The following RUBCN variants were observed in gnomAD, a reference collection of about 807,000 sequenced individuals.
The protein encoded by RUBCN is rubicon autophagy regulator.
RUBCN carries 74 observed loss-of-function variants against 113.2 expected under a neutral mutation model. The observed-to-expected ratio is 0.65, with a 90% CI of 0.54 to 0.79. RUBCN has a LOEUF of 0.79. Ranked by LOEUF, RUBCN falls within the 30% of genes least tolerant of loss-of-function variation. The pLI, the probability that RUBCN is intolerant of heterozygous loss-of-function variation, is 0.00. For missense variants in RUBCN, 1,109 were observed against 1,251.7 expected (o/e 0.89, Z 1.72); for synonymous variants, 480 against 490.0 (o/e 0.98, Z 0.27).
At chr3:197,731,688 T>A (rs1352808475) in intron 1 of RUBCN, among the ~76,000 whole-genome samples, 1 of 149,578 alleles carries the variant, frequency 6.7e-6, no homozygotes, top group Non-Finnish European at 1.5e-5. Context: ...CACTTCCCAG[T>A]AGGGGCAGCC....
chr3:197,696,522 G>A (rs1560427695), intron 8 of RUBCN, among the ~76,000 whole-genome samples: 1 of 152,108 alleles, frequency 6.6e-6, no homozygotes, highest in Admixed American at 6.6e-5. Flanking sequence ...GTACCATACA[G>A]TAAAGAAAAA....
Position 197,683,520 on chromosome 3 carries a change from C to T in RUBCN, c.1848-81G>A. On this transcript the variant is annotated intron_variant, in intron 12 of 19. Transcript: ENST00000296343. This position sits in a 1 kb window ranked among gnomAD's most constrained non-coding sequence, Gnocchi z 4.6. Reference sequence around the variant, plus strand: ...GGCTTCCCTTCATGATCTCATCCCCCACGCAGCAACTTCTGGGCTGGAAGA... The same window carrying T: ...GGCTTCCCTTCATGATCTCATCCCCTACGCAGCAACTTCTGGGCTGGAAGA... 1 of 1,525,626 alleles carries T rather than the reference C, an allele frequency of 6.6e-7. No homozygotes were observed. 94.5% of individuals were successfully genotyped at this position (1,525,626 alleles called of 1,614,324 possible). A position where few individuals can be genotyped will look rare whatever the true frequency, so the allele number is the denominator to read the frequency against.
upstream of RUBCN, among the ~76,000 whole-genome samples, chr3:197,739,568 C>A (rs909166409): frequency 6.6e-6 from 1 of 151,550 alleles, no homozygotes; most frequent in Non-Finnish European, 1.5e-5. Context: ...TGGTGGCGGG[C>A]GCCTGTAGTC....
intron 1 of RUBCN, among the ~76,000 whole-genome samples, chr3:197,728,935 A>G (rs568787676): frequency 1.1e-4 from 16 of 152,242 alleles, no homozygotes; most frequent in Non-Finnish European, 2.2e-4. Flanking sequence ...TGAGTGTGCC[A>G]TGGTTTTGTA....
intron 11 of RUBCN, among the ~76,000 whole-genome samples, chr3:197,690,263 C>A (rs979279815): frequency 1.3e-5 from 2 of 152,134 alleles, no homozygotes; most frequent in Non-Finnish European, 1.5e-5. Context: ...CATGGTGAAA[C>A]CCTGTCTTTA....
At chr3:197,718,210 G>C in intron 1 of RUBCN, 80 bp from the exon 2 acceptor site, 1 of 1,522,866 alleles carries the variant, frequency 6.6e-7, no homozygotes, top group Non-Finnish European at 9.1e-7. Flanking sequence ...AGTCTAAGCC[G>C]AGGAGCCTCC....
intron 9 of RUBCN, among the ~76,000 whole-genome samples, chr3:197,695,138 G>A (rs933273045): frequency 1.3e-4 from 19 of 144,294 alleles, no homozygotes; most frequent in African/African-American, 2.6e-4. Context: ...GACCCCAGAC[G>A]CAGCGGCTCA....
At position 197,710,006 on chromosome 3, in the gene RUBCN, C is replaced by T. The variant is rs534512592; in HGVS notation, c.220-4831G>A. ...GCCAATATGTGAAACCCTGTCTCTACTAAAAATACAAAAATTAGCCAGGCG... is the reference window on the plus strand; with the variant it reads ...GCCAATATGTGAAACCCTGTCTCTATTAAAAATACAAAAATTAGCCAGGCG... On this transcript the variant is annotated intron_variant, in intron 2 of 19. Coordinates refer to ENST00000296343, the MANE Select transcript of RUBCN (RefSeq NM_014687.4). Among the ~76,000 whole-genome samples, 16 of 151,732 alleles carry T rather than the reference C, an allele frequency of 1.1e-4. No individual in the cohort carries two copies. The South Asian group carries it at 3.3e-3, about 32-fold the overall frequency.
At chr3:197,727,951 T>C (rs976017419) in intron 1 of RUBCN, among the ~76,000 whole-genome samples, 1 of 152,230 alleles carries the variant, frequency 6.6e-6, no homozygotes, top group African/African-American at 2.4e-5. Flanking sequence ...CAGTTTCAGG[T>C]AGATGATTTA....
At chr3:197,724,023 G>C (rs1726459139) in intron 1 of RUBCN, among the ~76,000 whole-genome samples, 1 of 149,346 alleles carries the variant, frequency 6.7e-6, no homozygotes, top group South Asian at 2.1e-4. Flanking sequence ...GCTTGAACCT[G>C]GGGGGCGGCC....
In RUBCN at chr3:197,743,387, C is replaced by T. The variant is rs531884725; in HGVS notation, c.-116+5882G>A. Among the ~76,000 whole-genome samples, 37 of 152,292 alleles carry T rather than the reference C, an allele frequency of 2.4e-4. 2 individuals are homozygous for T. The South Asian group carries it at 7.7e-3, about 32-fold the overall frequency. ...CCGTCTGTCATGTTCTCTGCGGTAT[C>T]CCCAGCCTCTAGCACAGTGTCTTGC... is the stretch of plus-strand genomic sequence containing the variant. On this transcript the variant is annotated intron_variant, in intron 1 of 20. Transcript: ENST00000273582.
At chr3:197,739,470 G>T (rs1267046677), upstream of RUBCN, among the ~76,000 whole-genome samples, 1 of 150,366 alleles carries the variant, frequency 6.7e-6, no homozygotes. Flanking sequence ...AAGGCGGGCA[G>T]ATCACGAGGT....
rs116456263 is a variant in RUBCN, at chr3:197,724,030, G to A, written c.66-5900C>T. 3.2e-3 allele frequency among the ~76,000 whole-genome samples: 493 copies of A among 152,156 alleles called. 2 individuals are homozygous for A. The highest frequency in any genetic ancestry group is 0.011 in the African/African-American group (460 of 41,482). Reference sequence around the variant, plus strand: ...GGAGAATTGCTTGAACCTGGGGGGCGGCCTAAGTGGCAAGGGAGAGTATAA... The same window carrying A: ...GGAGAATTGCTTGAACCTGGGGGGCAGCCTAAGTGGCAAGGGAGAGTATAA... On this transcript the variant is annotated intron_variant, in intron 1 of 19. Transcript: ENST00000296343.
intron 9 of RUBCN, among the ~76,000 whole-genome samples, chr3:197,695,479 T>C (rs1722902791): frequency 6.6e-6 from 1 of 152,140 alleles, no homozygotes; most frequent in Non-Finnish European, 1.5e-5. Context: ...TGCATGTTTG[T>C]AGTCCCAGCT....
At chr3:197,716,015 A>G (rs1253129281) in intron 2 of RUBCN, among the ~76,000 whole-genome samples, 1 of 152,222 alleles carries the variant, frequency 6.6e-6, no homozygotes, top group Non-Finnish European at 1.5e-5. Context: ...AATTACACGA[A>G]TCTTATCAAG....
chr3:197,708,554 CAAAAAAAAAAAAA>C (rs113534449), intron 2 of RUBCN, among the ~76,000 whole-genome samples: 3 of 74,568 alleles, frequency 4.0e-5, no homozygotes, highest in Non-Finnish European at 6.1e-5. Context: ...GTGGTAGACT[CAAAAAAAAAAAAA>C]AAAAAAAAGA....
Position 197,736,752 on chromosome 3 carries a change from G to A in RUBCN, c.-33C>T, listed in dbSNP as rs2109016417. On this transcript the variant is annotated 5_prime_UTR_variant, in exon 1 of 20. Transcript: ENST00000296343. The stretch of plus-strand genomic sequence containing the variant: ...GGTGAGGCCGCCTCTTCGCCCAAGA[G>A]AGGCGTCCCTGCCGCTTCGCCCTTC... The A allele has an allele frequency of 2.6e-6, 4 of 1,527,256 alleles. No individual in the cohort carries two copies. The highest frequency in any genetic ancestry group is 3.5e-6 in the Non-Finnish European group (4 of 1,143,926). The allele number at this position is 1,527,256 out of a possible 1,614,324, so 94.6% of individuals were successfully genotyped here. A position where few individuals can be genotyped will look rare whatever the true frequency, so the allele number is the denominator to read the frequency against.
chr3:197,711,528 T>C (rs1426701443), intron 2 of RUBCN, among the ~76,000 whole-genome samples: 1 of 152,192 alleles, frequency 6.6e-6, no homozygotes, highest in Non-Finnish European at 1.5e-5. Context: ...TAATTGCTTT[T>C]ATAAGCATAA....
chr3:197,684,244 G>A (rs1560411893), intron 11 of RUBCN, 27 bp from the exon 12 acceptor site: 1 of 1,599,114 alleles, frequency 6.3e-7, no homozygotes, highest in Non-Finnish European at 8.6e-7. Flanking sequence ...GATAAGGGGA[G>A]CGCAATGGAA....
Sources: gnomAD v4.1 joint callset for allele counts (sites outside exome capture counted in the v4.1 genomes callset) on GRCh38, gnomAD v4.1.1 for gene constraint, Gnocchi (gnomAD v3.1) non-coding constraint, MANE v1.5 for transcripts, NCBI Gene and HGNC (gene_info 2026-07-23, HGNC 2026-07-21) for gene names.